Variants in METTL24 observed in about 807,000 individuals in gnomAD.
The protein encoded by METTL24 is probable methyltransferase-like protein 24.
Under a neutral mutation model 32.7 loss-of-function variants are expected in METTL24, and 29 were observed. That is an observed-to-expected ratio of 0.89 (90% CI 0.66 to 1.21). METTL24 has a LOEUF of 1.21. METTL24 is among the 50% of genes most tolerant of loss of function. The pLI is 0.00. For synonymous variants in METTL24, 163 were observed against 179.5 expected (o/e 0.91, Z 0.73); for missense variants, 439 against 468.1 (o/e 0.94, Z 0.57).
chr6:110,334,142 A>G (rs372228020), intron 1 of METTL24, among the ~76,000 whole-genome samples: 1 of 152,244 alleles, frequency 6.6e-6, no homozygotes, highest in East Asian at 1.9e-4. Context: ...CTGCACAGCA[A>G]TCTCCATCTT....
chr6:110,334,054 G>A (rs190976407), intron 1 of METTL24, among the ~76,000 whole-genome samples: 7 of 150,736 alleles, frequency 4.6e-5, no homozygotes, highest in African/African-American at 1.7e-4. Flanking sequence ...GAAAAAAAGT[G>A]GGGGGAGGAA....
chr6:110,332,063 T>G lies in METTL24; in HGVS notation c.319-9191A>C, dbSNP rs191930587. Among the ~76,000 whole-genome samples the G allele has an allele frequency of 9.8e-4, 149 of 152,320 alleles. 2 individuals carry two copies. In the Middle Eastern group the frequency reaches 0.014, roughly 14 times the overall value. ...ATCCAGAGCGCCAATCTGCCGCCTC[T>G]GCAGCATGACACAGAGGGTAGGCTG... is the stretch of plus-strand genomic sequence containing the variant. On this transcript the variant is annotated intron_variant, in intron 1 of 4. Transcript: ENST00000338882.
In METTL24 at chr6:110,358,281, A is replaced by C; in HGVS notation, c.-9T>G. 6.9e-7 allele frequency: 1 copy of C among 1,450,446 alleles called. No individual in the cohort carries two copies. The highest frequency in any genetic ancestry group is 9.0e-7 in the Non-Finnish European group (1 of 1,108,854). The allele number at this position is 1,450,446 out of a possible 1,614,324, so 89.8% of individuals were successfully genotyped here. ...GGCCTCTCCCGGGCCATGGCGCTAC[A>C]CTCGGGGTCCCGCGGGCCGCGCCTG... On this transcript the variant is annotated 5_prime_UTR_variant, in exon 1 of 5. Coordinates refer to ENST00000338882, the MANE Select transcript of METTL24 (RefSeq NM_001123364.3).
chr6:110,338,497 C>T (rs1772285637), intron 1 of METTL24, among the ~76,000 whole-genome samples: 2 of 152,036 alleles, frequency 1.3e-5, no homozygotes, highest in African/African-American at 4.8e-5. Flanking sequence ...GATTCTGTCT[C>T]AAAAAACAAA....
In METTL24 at chr6:110,260,325, C is replaced by T. The variant is rs1778470071; in HGVS notation, c.787-14065G>A. Among the ~76,000 whole-genome samples, 4 of 152,122 alleles carry T rather than the reference C, an allele frequency of 2.6e-5. No homozygotes were observed. In the South Asian group the frequency reaches 6.2e-4, roughly 24 times the overall value. On this transcript the variant is annotated intron_variant, in intron 4 of 4. Transcript: ENST00000338882. Reference sequence around the variant, plus strand: ...GAGAACTACGTGATGAATGCACAAGCTTTATCAGCTGATTCGATCAACTGG... The same window carrying T: ...GAGAACTACGTGATGAATGCACAAGTTTTATCAGCTGATTCGATCAACTGG...
intron 1 of METTL24, among the ~76,000 whole-genome samples, chr6:110,351,870 C>T (rs746283714): frequency 6.6e-6 from 1 of 152,238 alleles, no homozygotes; most frequent in Non-Finnish European, 1.5e-5. Context: ...AGCCCTATTC[C>T]TTCTCTATTC....
At chr6:110,316,437 C>T (rs935679325) in intron 2 of METTL24, among the ~76,000 whole-genome samples, 1 of 152,188 alleles carries the variant, frequency 6.6e-6, no homozygotes, top group Non-Finnish European at 1.5e-5. Flanking sequence ...ACAGTATTTT[C>T]CCCCAATCCC....
At chr6:110,268,429 T>C (rs913858315) in intron 4 of METTL24, among the ~76,000 whole-genome samples, 2 of 152,220 alleles carry the variant, frequency 1.3e-5, no homozygotes, top group African/African-American at 4.8e-5. Flanking sequence ...TGAGGGTTCA[T>C]AACTTAACAG....
At chr6:110,278,419 G>A (rs1425093945) in intron 4 of METTL24, among the ~76,000 whole-genome samples, 2 of 152,188 alleles carry the variant, frequency 1.3e-5, no homozygotes, top group African/African-American at 4.8e-5. Flanking sequence ...CTATAGTGGT[G>A]ATAATCGGTA....
chr6:110,256,013 G>T (rs1778376489), intron 4 of METTL24, among the ~76,000 whole-genome samples: 1 of 152,142 alleles, frequency 6.6e-6, no homozygotes, highest in Non-Finnish European at 1.5e-5. Flanking sequence ...TTTTGCTTGT[G>T]TTTTAAGCAT....
chr6:110,323,172 T>A (rs548702373), intron 1 of METTL24, among the ~76,000 whole-genome samples: 2 of 152,182 alleles, frequency 1.3e-5, no homozygotes, highest in African/African-American at 4.8e-5. Context: ...CTTGACCCCA[T>A]TGGGCTCTCC....
At chr6:110,284,707 A>T (rs989432882) in intron 4 of METTL24, among the ~76,000 whole-genome samples, 1 of 152,172 alleles carries the variant, frequency 6.6e-6, no homozygotes, top group South Asian at 2.1e-4. Flanking sequence ...CCACAAAAAA[A>T]TTTTAGTATA....
intron 2 of METTL24, among the ~76,000 whole-genome samples, chr6:110,320,539 G>A (rs1340104985): frequency 3.3e-5 from 5 of 152,084 alleles, no homozygotes; most frequent in Non-Finnish European, 7.4e-5. Context: ...AAATGGCCCC[G>A]CATTAAAAAC....
chr6:110,306,673 A>C (rs1410098940), intron 3 of METTL24, among the ~76,000 whole-genome samples: 1 of 152,236 alleles, frequency 6.6e-6, no homozygotes, highest in African/African-American at 2.4e-5. Context: ...GATATATAAA[A>C]TTCTTACTTT....
At chr6:110,315,206 G>A in intron 3 of METTL24, 136 bp downstream of exon 3, 2 of 1,030,616 alleles carry the variant, frequency 1.9e-6, no homozygotes, top group East Asian at 4.8e-5. Context: ...AGACAGATCA[G>A]TCTGAAATGA....
At chr6:110,347,705 A>G (rs1772504717) in intron 1 of METTL24, among the ~76,000 whole-genome samples, 1 of 152,230 alleles carries the variant, frequency 6.6e-6, no homozygotes, top group African/African-American at 2.4e-5. Flanking sequence ...GTATTTAAAA[A>G]GCCTGGAATC....
intron 4 of METTL24, among the ~76,000 whole-genome samples, chr6:110,281,216 T>C (rs996221845): frequency 6.6e-6 from 1 of 152,098 alleles, no homozygotes. Context: ...TGATTAAAGC[T>C]AAATAAGATG....
At chr6:110,299,179 AC>A in intron 3 of METTL24, 29 bp from the exon 4 acceptor site, 1 of 1,596,454 alleles carries the variant, frequency 6.3e-7, no homozygotes, top group African/African-American at 1.3e-5. Context: ...GAAATCAACA[AC>A]AAAAAATGCA....
chr6:110,252,163 A>C (rs186620437), intron 4 of METTL24, among the ~76,000 whole-genome samples: 240 of 152,240 alleles, frequency 1.6e-3, no homozygotes, highest in African/African-American at 5.5e-3. Context: ...AACAAAAAAA[A>C]CCTGCTGCAT....
Sources: gnomAD v4.1 joint callset for allele counts (sites outside exome capture counted in the v4.1 genomes callset) on GRCh38, gnomAD v4.1.1 for gene constraint, MANE v1.5 for transcripts, NCBI Gene and HGNC (gene_info 2026-07-23, HGNC 2026-07-21) for gene names.